The following FAM178B variants were observed in gnomAD, a reference collection of about 807,000 sequenced individuals.
The protein encoded by FAM178B is protein FAM178B.
In FAM178B, 82 loss-of-function variants were observed where a neutral mutation model predicts 91.7. That is an observed-to-expected ratio of 0.89 (90% CI 0.75 to 1.07). FAM178B has a LOEUF of 1.07. FAM178B is among the 50% of genes least tolerant of loss of function. FAM178B has a pLI of 0.00. For synonymous variants in FAM178B, 368 were observed against 359.4 expected, an observed-to-expected ratio of 1.02 and a Z score of -0.27; for missense variants, 769 against 846.7, an observed-to-expected ratio of 0.91 and a Z score of 1.14.
chr2:96,897,739 T>C (rs973616074), intron 13 of FAM178B, among the ~76,000 whole-genome samples: 1 of 152,096 alleles, frequency 6.6e-6, no homozygotes, highest in Non-Finnish European at 1.5e-5. Flanking sequence ...ACCTCCTTCC[T>C]CTCCACTCCC....
chr2:96,947,910 GAAAAAA>G lies in FAM178B; in HGVS notation c.994-14_994-9del, dbSNP rs146812485. On this transcript the variant is annotated splice_polypyrimidine_tract_variant and intron_variant, in intron 7 of 16. Transcript: ENST00000490605. ...TGGAGGCCATGTCAGCAGCTAGGTG[GAAAAAA>G]AAAACAAAAACAAAAACCTGGTGAG... The G allele has an allele frequency of 8.1e-7, 1 of 1,236,758 alleles. No individual in the cohort carries two copies. The highest frequency in any genetic ancestry group is 1.1e-6 in the Non-Finnish European group (1 of 912,092). 76.6% of individuals were successfully genotyped at this position (1,236,758 alleles called of 1,614,324 possible). A position where few individuals can be genotyped will look rare whatever the true frequency, so the allele number is the denominator to read the frequency against.
chr2:96,985,570 A>G (rs1455610778), intron 1 of FAM178B, among the ~76,000 whole-genome samples: 7 of 152,234 alleles, frequency 4.6e-5, no homozygotes, highest in Admixed American at 4.6e-4. Context: ...CTTAAAGTGT[A>G]GCATGAGGCC....
At chr2:96,956,146 C>A (rs1286998998) in intron 6 of FAM178B, among the ~76,000 whole-genome samples, 1 of 152,238 alleles carries the variant, frequency 6.6e-6, no homozygotes, top group Non-Finnish European at 1.5e-5. Flanking sequence ...CCAACTTCCG[C>A]CCCCGAGTGG....
rs145191257 is a variant in FAM178B at position 96,965,619 on chromosome 2, C to T, written c.734+1901G>A. Among the ~76,000 whole-genome samples the T allele has an allele frequency of 8.5e-5, 13 of 152,250 alleles. No homozygotes were observed. The East Asian group carries it at 2.5e-3, about 29-fold the overall frequency. ...CTGGAACTACGGGCATGTGCCAACA[C>T]ATCTGTGTACTTTTTAAAAATGTTT... On this transcript the variant is annotated intron_variant, in intron 5 of 16. Coordinates refer to ENST00000490605, the MANE Select transcript of FAM178B (RefSeq NM_001122646.3).
intron 6 of FAM178B, among the ~76,000 whole-genome samples, chr2:96,957,910 T>C (rs1187027589): frequency 6.6e-6 from 1 of 152,132 alleles, no homozygotes; most frequent in East Asian, 1.9e-4. Context: ...CCGTATTATT[T>C]ATAATAAAGG....
chr2:96,970,199 T>C (rs965815147), intron 4 of FAM178B, among the ~76,000 whole-genome samples: 7 of 152,168 alleles, frequency 4.6e-5, no homozygotes, highest in South Asian at 2.1e-4. Flanking sequence ...AAACTACTTA[T>C]GGCAGACAGG....
At chr2:96,969,490 T>C (rs938172246) in intron 4 of FAM178B, among the ~76,000 whole-genome samples, 9 of 152,134 alleles carry the variant, frequency 5.9e-5, no homozygotes, top group Admixed American at 3.9e-4. Context: ...AATAACTGTA[T>C]TGTTTAAGCC....
Position 96,902,609 on chromosome 2 carries a change from CA to C in FAM178B, c.1650+10del. ...ATGGCCTTCCTGCCCAGGCCTGAAG[CA>C]AACACTCACCTGGGTCTTCTCTTGC... On this transcript the variant is annotated intron_variant, in intron 13 of 16. Coordinates refer to ENST00000490605, the MANE Select transcript of FAM178B (RefSeq NM_001122646.3). 6.5e-7 allele frequency: 1 copy of C among 1,546,108 alleles called. No individual in the cohort carries two copies. Among genetic ancestry groups the C allele is most frequent in the Non-Finnish European group, 8.8e-7 (1 of 1,142,410 alleles).
chr2:96,957,934 A>T (rs1409035697), intron 6 of FAM178B, among the ~76,000 whole-genome samples: 1 of 152,184 alleles, frequency 6.6e-6, no homozygotes, highest in Non-Finnish European at 1.5e-5. Context: ...GTTGGAAAAA[A>T]CTTTTATGTT....
chr2:96,919,089 T>G (rs941372191), intron 12 of FAM178B, among the ~76,000 whole-genome samples: 5 of 152,212 alleles, frequency 3.3e-5, no homozygotes, highest in African/African-American at 1.2e-4. Flanking sequence ...TAAAGCCCTT[T>G]CCTTCCACAA....
chr2:96,944,566 C>T (rs2081790581), intron 8 of FAM178B, among the ~76,000 whole-genome samples: 1 of 152,178 alleles, frequency 6.6e-6, no homozygotes, highest in African/African-American at 2.4e-5. Flanking sequence ...TTCTGCAACC[C>T]GGAGAGGAAG....
chr2:96,899,585 A>AT (rs1172791835), intron 13 of FAM178B, among the ~76,000 whole-genome samples: 2 of 151,694 alleles, frequency 1.3e-5, no homozygotes, highest in Non-Finnish European at 2.9e-5. Flanking sequence ...GAAAAAAAAA[A>AT]GCGGGTCTTG....
chr2:96,952,429 T>C (rs1796027), intron 6 of FAM178B, among the ~76,000 whole-genome samples: 114,671 of 152,086 alleles, frequency 0.75, 44,359 homozygotes, highest in Middle Eastern at 0.83. Flanking sequence ...CGGCTGTGGC[T>C]GTGACCGTGT....
At chr2:96,951,643 C>A in intron 6 of FAM178B, 159 bp from the exon 7 acceptor site, 1 of 619,518 alleles carries the variant, frequency 1.6e-6, no homozygotes. Flanking sequence ...AGTGCATGAT[C>A]TGTCAGAAGG....
chr2:96,961,882 C>A (rs2082085896), intron 5 of FAM178B, among the ~76,000 whole-genome samples: 1 of 152,240 alleles, frequency 6.6e-6, no homozygotes, highest in Non-Finnish European at 1.5e-5. Context: ...CGGGAGGACT[C>A]TGACCCTGCG....
chr2:96,876,161 C>G lies in FAM178B; in HGVS notation c.*115G>C. On this transcript the variant is annotated 3_prime_UTR_variant, in exon 17 of 17. Coordinates refer to ENST00000490605, the MANE Select transcript of FAM178B (RefSeq NM_001122646.3). Reference sequence around the variant, plus strand: ...TGGCAGGGGCAGGCTCTTGCCTCATCAGGCTGGTCAGCATGTGGCCTCCTC... The same window carrying G: ...TGGCAGGGGCAGGCTCTTGCCTCATGAGGCTGGTCAGCATGTGGCCTCCTC... The G allele has an allele frequency of 9.1e-7, 1 of 1,096,488 alleles. No individual in the cohort carries two copies. Among genetic ancestry groups the G allele is most frequent in the Non-Finnish European group, 1.3e-6 (1 of 750,452 alleles). The allele number at this position is 1,096,488 out of a possible 1,614,324, so 67.9% of individuals were successfully genotyped here.
intron 12 of FAM178B, among the ~76,000 whole-genome samples, chr2:96,904,998 T>C (rs953252371): frequency 1.3e-5 from 2 of 151,588 alleles, no homozygotes; most frequent in Non-Finnish European, 2.9e-5. Flanking sequence ...CCTGACCTCA[T>C]GATCTACCCA....
chr2:96,917,455 T>C (rs2081259994), intron 12 of FAM178B, among the ~76,000 whole-genome samples: 1 of 152,146 alleles, frequency 6.6e-6, no homozygotes, highest in South Asian at 2.1e-4. Flanking sequence ...CAAAAGACAC[T>C]GATTCATGAA....
intron 6 of FAM178B, among the ~76,000 whole-genome samples, chr2:96,957,101 G>A (rs1294367679): frequency 6.6e-6 from 1 of 152,064 alleles, no homozygotes; most frequent in Non-Finnish European, 1.5e-5. Context: ...CTGAGCTCAA[G>A]CGATCCTCCC....
Sources: gnomAD v4.1 joint callset for allele counts (sites outside exome capture counted in the v4.1 genomes callset) on GRCh38, gnomAD v4.1.1 for gene constraint, MANE v1.5 for transcripts, NCBI Gene and HGNC (gene_info 2026-07-23, HGNC 2026-07-21) for gene names.